SMG6: variants seen among roughly 807,000 people sequenced by gnomAD.
The protein encoded by SMG6 is SMG6 nonsense mediated mRNA decay factor, also known as telomerase-binding protein EST1A.
A neutral mutation model predicts 142.2 loss-of-function variants in SMG6; 66 were observed. That is an observed-to-expected ratio of 0.46 (90% CI 0.38 to 0.57). SMG6 has a LOEUF of 0.57. SMG6 is among the 20% of genes least tolerant of loss of function. The probability of loss-of-function intolerance (pLI) is 0.00; values close to 1 mark genes in which losing one functional copy is unlikely to be tolerated. For synonymous variants in SMG6, 779 were observed against 702.4 expected (o/e 1.11, Z -1.72); for missense variants, 1,793 against 1,832.0 (o/e 0.98, Z 0.39).
At chr17:2,297,563 A>AACACAC (rs113462824) in intron 3 of SMG6, among the ~76,000 whole-genome samples, 6 of 150,614 alleles carry the variant, frequency 4.0e-5, no homozygotes, top group African/African-American at 9.8e-5. Flanking sequence ...TGAACACATG[A>AACACAC]ACACACACAC....
chr17:2,298,250 T>TA (rs1473689376), intron 2 of SMG6, among the ~76,000 whole-genome samples, 195 bp from the exon 3 acceptor site: 3 of 152,278 alleles, frequency 2.0e-5, no homozygotes, highest in South Asian at 4.2e-4. Flanking sequence ...TCTAGGAAAA[T>TA]AGTTTTTCCC....
intron 13 of SMG6, among the ~76,000 whole-genome samples, chr17:2,111,515 G>A (rs565164957): frequency 1.6e-4 from 24 of 152,192 alleles, no homozygotes; most frequent in South Asian, 1.5e-3. Flanking sequence ...GGGCTCAAGC[G>A]ATCCTTCTAC....
intron 12 of SMG6, among the ~76,000 whole-genome samples, chr17:2,185,740 G>A (rs1050252561): frequency 1.4e-4 from 21 of 151,648 alleles, no homozygotes; most frequent in Admixed American, 1.3e-4. Flanking sequence ...AAACGAGGGC[G>A]AGGTGTAGTG....
At chr17:2,166,160 C>CG (rs1567651984) in intron 13 of SMG6, among the ~76,000 whole-genome samples, 3 of 150,986 alleles carry the variant, frequency 2.0e-5, no homozygotes, top group African/African-American at 7.3e-5. Flanking sequence ...TGCAGTGAGC[C>CG]GGGGGGTCAC....
At chr17:2,178,682 T>C (rs887318350) in intron 12 of SMG6, among the ~76,000 whole-genome samples, 5 of 152,162 alleles carry the variant, frequency 3.3e-5, no homozygotes, top group Admixed American at 2.6e-4. Context: ...GTCGGCGCCT[T>C]ATTTGATTTC....
chr17:2,144,359 G>A (rs917433599), intron 13 of SMG6, among the ~76,000 whole-genome samples: 5 of 151,920 alleles, frequency 3.3e-5, no homozygotes, highest in Admixed American at 3.3e-4. Context: ...GAGCCATGGC[G>A]CCTGGCCATT....
intron 13 of SMG6, among the ~76,000 whole-genome samples, chr17:2,105,931 G>C (rs1199945612): frequency 6.6e-6 from 1 of 152,196 alleles, no homozygotes; most frequent in East Asian, 1.9e-4. Flanking sequence ...AAAGAGTAAA[G>C]TCCATCATGA....
intron 10 of SMG6, among the ~76,000 whole-genome samples, chr17:2,221,242 T>A (rs145333684): frequency 1.8e-4 from 28 of 152,300 alleles, no homozygotes; most frequent in African/African-American, 5.8e-4. Flanking sequence ...AGGAGGTGAC[T>A]GCATCCTGGG....
intron 13 of SMG6, among the ~76,000 whole-genome samples, chr17:2,089,131 G>C (rs574616553): frequency 6.6e-6 from 1 of 152,308 alleles, no homozygotes; most frequent in Non-Finnish European, 1.5e-5. Flanking sequence ...TCCAGATGAA[G>C]TCTGTGACAT....
intron 13 of SMG6, chr17:2,088,024 GGA>G: frequency 2.0e-6 from 2 of 985,732 alleles, no homozygotes; most frequent in East Asian, 1.1e-4. Flanking sequence ...TGAATGGAGA[GGA>G]GAGGGGAGCT....
At chr17:2,106,649 G>T (rs1419741548) in intron 13 of SMG6, among the ~76,000 whole-genome samples, 1 of 152,162 alleles carries the variant, frequency 6.6e-6, no homozygotes, top group African/African-American at 2.4e-5. Context: ...TATGAGAGAG[G>T]GAAGGAGGAT....
chr17:2,259,201 C>G (rs895880718), intron 8 of SMG6, among the ~76,000 whole-genome samples: 4 of 151,806 alleles, frequency 2.6e-5, no homozygotes, highest in African/African-American at 9.7e-5. Flanking sequence ...TTTCTTTCAC[C>G]GAGAGACCAC....
At chr17:2,230,662 TACAGGCAGATCC>T (rs965723093) in intron 10 of SMG6, among the ~76,000 whole-genome samples, 6 of 152,184 alleles carry the variant, frequency 3.9e-5, no homozygotes, top group African/African-American at 9.7e-5. Flanking sequence ...TTCAGGGAAC[TACAGGCAGATCC>T]ACAGGCAGAG....
intron 8 of SMG6, among the ~76,000 whole-genome samples, chr17:2,247,107 C>A (rs2073944463): frequency 6.6e-6 from 1 of 152,158 alleles, no homozygotes; most frequent in Admixed American, 6.5e-5. Context: ...GAAACAGGGA[C>A]CTTCCCATGA....
In SMG6 at chr17:2,085,525, G is replaced by A. The variant is rs954419138; in HGVS notation, c.3534+200C>T. ...GCATTAAAAGAAGCATCTGGAACTC[G>A]TAGTGGAGTAGGATGGAGGCACCGG... On this transcript the variant is annotated intron_variant, in intron 14 of 18. Coordinates refer to ENST00000263073, the MANE Select transcript of SMG6 (RefSeq NM_017575.5). The surrounding 1 kb of genome is among the most constrained non-coding windows in gnomAD (Gnocchi z 4.1). 7.2e-5 allele frequency among the ~76,000 whole-genome samples: 11 copies of A among 152,134 alleles called. No homozygotes were observed. Among genetic ancestry groups the A allele is most frequent in the Admixed American group, 4.6e-4 (7 of 15,276 alleles).
chr17:2,184,020 C>A (rs1292093495), intron 12 of SMG6, among the ~76,000 whole-genome samples: 1 of 152,114 alleles, frequency 6.6e-6, no homozygotes, highest in Non-Finnish European at 1.5e-5. Context: ...ACTCACAGAC[C>A]CAGACACAGA....
intron 13 of SMG6, among the ~76,000 whole-genome samples, chr17:2,143,679 G>C (rs2070561549): frequency 6.6e-6 from 1 of 152,144 alleles, no homozygotes. Flanking sequence ...TGAATATAAT[G>C]AAACAACGGA....
chr17:2,217,252 G>T (rs915663121), intron 10 of SMG6, among the ~76,000 whole-genome samples: 15 of 151,818 alleles, frequency 9.9e-5, no homozygotes, highest in Non-Finnish European at 1.2e-4. Flanking sequence ...TATTACTAAA[G>T]TATTGTGATA....
chr17:2,235,534 C>G (rs11078883), intron 10 of SMG6, among the ~76,000 whole-genome samples: 57,261 of 151,948 alleles, frequency 0.38, 11,231 homozygotes, highest in African/African-American at 0.47. Context: ...AGACCCAGCG[C>G]CACTCTGTCA....
Sources: gnomAD v4.1 joint callset for allele counts (sites outside exome capture counted in the v4.1 genomes callset) on GRCh38, gnomAD v4.1.1 for gene constraint, Gnocchi (gnomAD v3.1) non-coding constraint, MANE v1.5 for transcripts, NCBI Gene and HGNC (gene_info 2026-07-23, HGNC 2026-07-21) for gene names.